Variants in PCDHGA5 observed in about 807,000 individuals in gnomAD.
The protein encoded by PCDHGA5 is protocadherin gamma-A5.
In PCDHGA5, 36 loss-of-function variants were observed where a neutral mutation model predicts 56.7. The observed-to-expected ratio is 0.64, with a 90% CI of 0.49 to 0.84. The LOEUF is 0.84. Ranked by LOEUF, PCDHGA5 falls within the 40% of genes least tolerant of loss-of-function variation. PCDHGA5 has a pLI of 0.00. For synonymous variants in PCDHGA5, 563 were observed against 520.2 expected, an observed-to-expected ratio of 1.08 and a Z score of -1.12; for missense variants, 1,305 against 1,201.5, an observed-to-expected ratio of 1.09 and a Z score of -1.27.
rs750310317 is a variant in PCDHGA5 at position 141,385,220 on chromosome 5, A to G, written c.2421+18469A>G. 8 of 1,614,172 alleles carry G rather than the reference A, an allele frequency of 5.0e-6. No homozygotes were observed. The South Asian group carries it at 7.7e-5, about 16-fold the overall frequency. ...AGTCACCTGATCTTCCCCCAGCCCA[A>G]CTATGTAGACATGCTCATCAGCCAG... On this transcript the variant is annotated intron_variant, in intron 1 of 3. Transcript: ENST00000518069.
intron 1 of PCDHGA5, chr5:141,430,780 C>G: frequency 6.6e-7 from 1 of 1,511,476 alleles, no homozygotes; most frequent in Non-Finnish European, 8.8e-7. Context: ...CGCGACTGCA[C>G]CGGGACTACA....
intron 1 of PCDHGA5, chr5:141,427,047 C>T (rs1196561600): frequency 1.1e-5 from 5 of 457,294 alleles, no homozygotes; most frequent in Non-Finnish European, 1.8e-5. Flanking sequence ...GAATGTGCCC[C>T]CAGGCACCTC....
intron 1 of PCDHGA5, chr5:141,427,595 C>A: frequency 1.5e-6 from 1 of 681,870 alleles, no homozygotes; most frequent in Non-Finnish European, 2.7e-6. Flanking sequence ...CAAGCCTCAC[C>A]CTACGCATTG....
intron 1 of PCDHGA5, chr5:141,415,740 G>GTTTTGTTTTT (rs2095911163): frequency 1.9e-6 from 1 of 515,998 alleles, no homozygotes; most frequent in African/African-American, 2.8e-5. Context: ...GTTTATTAAG[G>GTTTTGTTTTT]TTTTTTTTTT....
rs560084217 is a variant in PCDHGA5 at position 141,395,247 on chromosome 5, G to A, written c.2421+28496G>A. On this transcript the variant is annotated intron_variant, in intron 1 of 3. Transcript: ENST00000518069. ...AGCTGATCATGGTCAGGTGAGTTTA[G>A]TTCTTTGCTTGCTTTTAATTTCCAG... 4 of 1,561,194 alleles carry A rather than the reference G, an allele frequency of 2.6e-6. No individual in the cohort carries two copies. The East Asian group carries it at 9.1e-5, about 35-fold the overall frequency.
intron 1 of PCDHGA5, among the ~76,000 whole-genome samples, chr5:141,492,084 G>C (rs979755390): frequency 2.0e-5 from 3 of 152,236 alleles, no homozygotes; most frequent in African/African-American, 7.2e-5. Flanking sequence ...GCTCCGGCAC[G>C]CTTCGCCGGT....
chr5:141,468,226 G>T (rs967204965), intron 1 of PCDHGA5, among the ~76,000 whole-genome samples: 2 of 151,038 alleles, frequency 1.3e-5, no homozygotes, highest in Admixed American at 1.3e-4. Flanking sequence ...TTGGGAGGAT[G>T]AGGTAGGAGA....
chr5:141,387,301 AT>A (rs888289074), intron 1 of PCDHGA5, among the ~76,000 whole-genome samples: 1 of 152,242 alleles, frequency 6.6e-6, no homozygotes, highest in African/African-American at 2.4e-5. Flanking sequence ...TGTATCCAGT[AT>A]ATTTCTAATG....
chr5:141,435,519 T>C (rs2097768121), intron 1 of PCDHGA5, among the ~76,000 whole-genome samples: 2 of 152,192 alleles, frequency 1.3e-5, no homozygotes, highest in South Asian at 4.1e-4. Context: ...ATGATGACTT[T>C]GTGGAATATT....
At chr5:141,378,368 C>A (rs1774846187) in intron 1 of PCDHGA5, 1 of 152,194 alleles carries the variant, frequency 6.6e-6, no homozygotes, top group Non-Finnish European at 1.5e-5. Context: ...ACTAAAAATA[C>A]AAAAATTAGC....
chr5:141,474,056 C>T (rs576482294), intron 1 of PCDHGA5, among the ~76,000 whole-genome samples: 37 of 152,136 alleles, frequency 2.4e-4, no homozygotes, highest in Non-Finnish European at 4.9e-4. Flanking sequence ...GATGACAGAG[C>T]GAGATCCTGC....
Position 141,477,707 on chromosome 5 carries a change from C to T in PCDHGA5, c.2422-17100C>T. ...AGTGCCCCTAGACTATGAGGATCGG[C>T]GGGAATTTGAATTAACAGCTCATAT... On this transcript the variant is annotated intron_variant, in intron 1 of 3. Transcript: ENST00000518069. The surrounding 1 kb of genome is among the most constrained non-coding windows in gnomAD (Gnocchi z 4.9). 6.2e-7 allele frequency: 1 copy of T among 1,613,952 alleles called. No individual in the cohort carries two copies. Among genetic ancestry groups the T allele is most frequent in the South Asian group, 1.1e-5 (1 of 91,086 alleles).
chr5:141,482,611 G>C (rs1016481108), intron 1 of PCDHGA5, among the ~76,000 whole-genome samples: 4 of 150,398 alleles, frequency 2.7e-5, no homozygotes, highest in Non-Finnish European at 5.9e-5. Context: ...ACACCTAAAT[G>C]AGCCTGGAGA....
rs575856599 is a variant in PCDHGA5 at position 141,399,712 on chromosome 5, C to T, written c.2421+32961C>T. ...GCTGCGCACCTTCGAACTCACACTA[C>T]AGGCCCGCGACCAGGGCTCGCCTGC... On this transcript the variant is annotated intron_variant, in intron 1 of 3. Transcript: ENST00000518069. The T allele has an allele frequency of 7.4e-6, 12 of 1,613,378 alleles. No individual in the cohort carries two copies. In the East Asian group the frequency reaches 2.2e-4, roughly 30 times the overall value.
At chr5:141,386,234 T>A (rs570347588) in intron 1 of PCDHGA5, among the ~76,000 whole-genome samples, 2 of 152,292 alleles carry the variant, frequency 1.3e-5, no homozygotes, top group Admixed American at 6.5e-5. Context: ...TACTGAAAAA[T>A]TCAGTTGGAA....
At chr5:141,437,668 G>A (rs72790049) in intron 1 of PCDHGA5, among the ~76,000 whole-genome samples, 16,651 of 151,822 alleles carry the variant, frequency 0.11, 1,007 homozygotes, top group African/African-American at 0.17. Context: ...TCGAAGAGAT[G>A]TTGATCAAAC....
chr5:141,373,266 C>T (rs894393733), intron 1 of PCDHGA5, among the ~76,000 whole-genome samples: 1 of 152,300 alleles, frequency 6.6e-6, no homozygotes, highest in Non-Finnish European at 1.5e-5. Context: ...TAAAAGTATA[C>T]ACAGATGTTG....
chr5:141,496,377 G>A (rs1413938730), intron 2 of PCDHGA5, among the ~76,000 whole-genome samples: 1 of 152,114 alleles, frequency 6.6e-6, no homozygotes, highest in Non-Finnish European at 1.5e-5. Flanking sequence ...CAGGAGCTTG[G>A]GCCACCTTAC....
At chr5:141,383,542 T>G (rs1779235852) in intron 1 of PCDHGA5, 1 of 1,612,562 alleles carries the variant, frequency 6.2e-7, no homozygotes, top group Non-Finnish European at 8.5e-7. Flanking sequence ...CCTCACAGCC[T>G]CTGATGGCGG....
Sources: allele counts gnomAD v4.1 joint callset (sites outside exome capture counted in the v4.1 genomes callset), GRCh38; gene constraint gnomAD v4.1.1; non-coding constraint Gnocchi (gnomAD v3.1); transcripts MANE v1.5; gene names NCBI Gene and HGNC (gene_info 2026-07-23, HGNC 2026-07-21).